Variants in SPTLC1 observed in about 807,000 individuals in gnomAD.
The protein encoded by SPTLC1 is serine palmitoyltransferase 1.
SPTLC1 carries 55 observed loss-of-function variants against 68.9 expected under a neutral mutation model. That is an observed-to-expected ratio of 0.80 (90% CI 0.64 to 1.00). The LOEUF is 1.00. Ranked by LOEUF, SPTLC1 falls within the 50% of genes least tolerant of loss-of-function variation. SPTLC1 has a pLI of 0.00. For synonymous variants in SPTLC1, 197 were observed against 201.6 expected, an observed-to-expected ratio of 0.98 and a Z score of 0.19; for missense variants, 449 against 573.1, an observed-to-expected ratio of 0.78 and a Z score of 2.21.
At chr9:92,069,211 C>T (rs1017886005) in intron 5 of SPTLC1, among the ~76,000 whole-genome samples, 1 of 152,184 alleles carries the variant, frequency 6.6e-6, no homozygotes, top group Admixed American at 6.5e-5. Flanking sequence ...AGAGGGCTGA[C>T]GGCCTGGCAG....
intron 3 of SPTLC1, among the ~76,000 whole-genome samples, chr9:92,090,367 G>A (rs1375276293): frequency 6.6e-6 from 1 of 152,188 alleles, no homozygotes; most frequent in Non-Finnish European, 1.5e-5. Context: ...CCAGCACTTT[G>A]GGACACCAAA....
At chr9:92,102,668 T>C (rs894157649) in intron 3 of SPTLC1, among the ~76,000 whole-genome samples, 5 of 152,024 alleles carry the variant, frequency 3.3e-5, no homozygotes, top group Non-Finnish European at 5.9e-5. Flanking sequence ...ACACCAGATA[T>C]GTCAATGAAA....
chr9:92,106,472 C>CAA (rs34928872), intron 3 of SPTLC1, among the ~76,000 whole-genome samples: 30 of 68,354 alleles, frequency 4.4e-4, no homozygotes, highest in African/African-American at 1.3e-3. Flanking sequence ...GACTCCGTCT[C>CAA]AAAAAAAAAA....
chr9:92,093,651 C>T (rs73512381), intron 3 of SPTLC1, among the ~76,000 whole-genome samples: 47 of 152,242 alleles, frequency 3.1e-4, no homozygotes, highest in African/African-American at 1.1e-3. Context: ...ATAAGATATA[C>T]GATGGTCAGC....
rs188096060 is a variant in SPTLC1, at chr9:92,041,609, G to A, written c.1137-3244C>T. Among the ~76,000 whole-genome samples, 11 of 152,288 alleles carry A rather than the reference G, an allele frequency of 7.2e-5. No homozygotes were observed. In the East Asian group the frequency reaches 2.1e-3, roughly 29 times the overall value. ...AGTGCTTCCATGAAGCAGAAAGAGT[G>A]GAAAATAGCCAAATCATCTACCGAA... On this transcript the variant is annotated intron_variant, in intron 12 of 14. Transcript: ENST00000262554.
chr9:92,078,240 C>T (rs539061253), intron 5 of SPTLC1, among the ~76,000 whole-genome samples: 3 of 152,192 alleles, frequency 2.0e-5, no homozygotes, highest in Non-Finnish European at 4.4e-5. Flanking sequence ...TTTACCTCAG[C>T]AAGCAGTCAC....
intron 3 of SPTLC1, among the ~76,000 whole-genome samples, chr9:92,099,859 A>G (rs1031905280): frequency 6.6e-6 from 1 of 152,188 alleles, no homozygotes; most frequent in African/African-American, 2.4e-5. Context: ...AGTATTCAGT[A>G]GAGTAACATG....
At chr9:92,035,402 A>G (rs1298836890) in intron 13 of SPTLC1, among the ~76,000 whole-genome samples, 1 of 152,268 alleles carries the variant, frequency 6.6e-6, no homozygotes, top group African/African-American at 2.4e-5. Context: ...TGGGCACTGC[A>G]GAATCTGGCG....
intron 3 of SPTLC1, among the ~76,000 whole-genome samples, chr9:92,098,688 AG>A (rs1835632304): frequency 6.7e-6 from 1 of 150,340 alleles, no homozygotes; most frequent in Non-Finnish European, 1.5e-5. Flanking sequence ...AAAAATTTTA[AG>A]ATGTGTAGGT....
rs571967593 is a variant in SPTLC1 at position 92,049,031 on chromosome 9, G to A, written c.888+929C>T. ...AAGGCTGTAGTGTACTGCTAAATCT[G>A]CTTGAATTACACTTCCATTTATCTT... On this transcript the variant is annotated intron_variant, in intron 9 of 14. Coordinates refer to ENST00000262554, the MANE Select transcript of SPTLC1 (RefSeq NM_006415.4). Among the ~76,000 whole-genome samples the A allele has an allele frequency of 4.6e-5, 7 of 152,204 alleles. No individual in the cohort carries two copies. In the East Asian group the frequency reaches 1.4e-3, roughly 29 times the overall value.
intron 9 of SPTLC1, among the ~76,000 whole-genome samples, chr9:92,048,215 A>C (rs1367800903): frequency 6.6e-6 from 1 of 152,204 alleles, no homozygotes; most frequent in African/African-American, 2.4e-5. Context: ...ACTGGACAGC[A>C]GAAGAACCTA....
chr9:92,050,137 TA>T, intron 8 of SPTLC1, 70 bp from the exon 9 acceptor site: 1 of 1,015,316 alleles, frequency 9.8e-7, no homozygotes, highest in African/African-American at 1.6e-5. Flanking sequence ...AGAAAAAAAT[TA>T]AGATTAAAAA....
intron 4 of SPTLC1, among the ~76,000 whole-genome samples, 184 bp downstream of exon 4, chr9:92,080,686 G>A (rs1445147425): frequency 6.6e-6 from 1 of 152,122 alleles, no homozygotes; most frequent in African/African-American, 2.4e-5. Context: ...CTACAGGCAT[G>A]TGCCACCATG....
At chr9:92,092,985 C>T (rs2118751467) in intron 3 of SPTLC1, among the ~76,000 whole-genome samples, 1 of 152,268 alleles carries the variant, frequency 6.6e-6, no homozygotes, top group East Asian at 1.9e-4. Context: ...GGAATACGTA[C>T]TTTATTATCT....
chr9:92,055,425 T>C lies in SPTLC1; in HGVS notation c.760A>G (p.Ile254Val), dbSNP rs1355123398. The change falls in exon 8 of 15, where the codon ATT (isoleucine) becomes GTT (valine). Residue 254 changes from isoleucine (I) to valine (V), a missense_variant. By Grantham distance (29) the Ile-to-Val change is conservative (BLOSUM62 3). Transcript: ENST00000262554. ...CTTACCAATTCTGGAAGAGGACAAA[T>C]AGTTCCAGTATTCATATACAATCCT... The part of the protein sequence containing the change: ...VEGLYMNTGT[I>V]CPLPELVKLK... 5.0e-6 allele frequency: 8 copies of C among 1,613,604 alleles called. No homozygotes were observed. The highest frequency in any genetic ancestry group is 2.7e-5 in the African/African-American group (2 of 74,936).
In SPTLC1 at chr9:92,112,540, A is replaced by G; in HGVS notation, c.80T>C (p.Leu27Ser). ...TATCCAGAGGATCAGAATCCCTTCC[A>G]AAATAAGATGGTAAGCAGGAGCCTA... ...LYEAPAYHLILEGILILWIIR... is the reference protein window; with the variant it reads ...LYEAPAYHLISEGILILWIIR... The change falls in exon 2 of 15, where the codon TTG becomes TCG. Residue 27 changes from leucine (L) to serine (S), a missense_variant. Coordinates refer to ENST00000262554, the MANE Select transcript of SPTLC1 (RefSeq NM_006415.4). 6.2e-7 allele frequency: 1 copy of G among 1,607,740 alleles called. No homozygotes were observed. The highest frequency in any genetic ancestry group is 8.5e-7 in the Non-Finnish European group (1 of 1,179,140).
intron 6 of SPTLC1, among the ~76,000 whole-genome samples, chr9:92,063,754 A>C (rs115033189): frequency 0.024 from 3,648 of 152,288 alleles, 59 homozygotes; most frequent in Middle Eastern, 0.082. Flanking sequence ...AAAAAGAAAA[A>C]TCACATGATC....
rs1037137574 is a variant in SPTLC1, at chr9:92,079,842, A to T, written c.427+174T>A. On this transcript the variant is annotated intron_variant, in intron 5 of 14. Coordinates refer to ENST00000262554, the MANE Select transcript of SPTLC1 (RefSeq NM_006415.4). ...GCTAATTTTATTATTTTTTGTAGAG[A>T]CAGGGTCTCCCTATATTGCCCATGC... 5 of 692,956 alleles carry T rather than the reference A, an allele frequency of 7.2e-6. No individual in the cohort carries two copies. The African/African-American group carries it at 9.0e-5, about 12-fold the overall frequency. 42.9% of individuals were successfully genotyped at this position (692,956 alleles called of 1,614,324 possible).
intron 5 of SPTLC1, among the ~76,000 whole-genome samples, chr9:92,071,643 C>T (rs1316157489): frequency 6.6e-6 from 1 of 152,192 alleles, no homozygotes; most frequent in African/African-American, 2.4e-5. Context: ...AGTGGCAGAT[C>T]TAGGAATTTT....
Sources: gnomAD v4.1 joint callset for allele counts (sites outside exome capture counted in the v4.1 genomes callset) on GRCh38, gnomAD v4.1.1 for gene constraint, MANE v1.5 for transcripts, NCBI Gene and HGNC (gene_info 2026-07-23, HGNC 2026-07-21) for gene names.